Variants in MBNL1 observed in about 807,000 individuals in gnomAD.
MBNL1 encodes the protein muscleblind like splicing regulator 1, also known as muscleblind-like protein 1.
MBNL1 carries 8 observed loss-of-function variants against 42.2 expected under a neutral mutation model. The observed-to-expected ratio is 0.19, with a 90% CI of 0.11 to 0.34. MBNL1 has a LOEUF of 0.34. Ranked by LOEUF, MBNL1 falls within the 10% of genes least tolerant of loss-of-function variation. The pLI, the probability that MBNL1 is intolerant of heterozygous loss-of-function variation, is 1.00. For missense variants in MBNL1, 309 were observed against 495.3 expected, an observed-to-expected ratio of 0.62 and a Z score of 3.57; for synonymous variants, 169 against 173.9, an observed-to-expected ratio of 0.97 and a Z score of 0.22.
chr3:152,331,267 C>T (rs2084338278), intron 2 of MBNL1, among the ~76,000 whole-genome samples: 1 of 152,044 alleles, frequency 6.6e-6, no homozygotes, highest in African/African-American at 2.4e-5. Context: ...TTCCAAACTA[C>T]AGAAAAAAAC....
chr3:152,281,794 C>T (rs867064234), intron 1 of MBNL1, among the ~76,000 whole-genome samples: 75 of 152,100 alleles, frequency 4.9e-4, no homozygotes, highest in African/African-American at 1.7e-3. Flanking sequence ...TAGGGTAATT[C>T]AATTCATTTT....
intron 1 of MBNL1, among the ~76,000 whole-genome samples, chr3:152,282,377 C>T (rs1452095996): frequency 6.6e-6 from 1 of 151,886 alleles, no homozygotes; most frequent in Non-Finnish European, 1.5e-5. Flanking sequence ...TTAAAGATTC[C>T]ATGCTAATAT....
chr3:152,291,736 C>T (rs760564919), intron 1 of MBNL1, among the ~76,000 whole-genome samples: 12 of 152,160 alleles, frequency 7.9e-5, no homozygotes, highest in Non-Finnish European at 1.8e-4. Flanking sequence ...TAATATTACT[C>T]TGCTTTCTTC....
chr3:152,379,569 G>A lies in MBNL1; in HGVS notation c.175-35372G>A, dbSNP rs1332588954. On this transcript the variant is annotated intron_variant, in intron 2 of 9. Coordinates refer to ENST00000324210, the MANE Select transcript of MBNL1 (RefSeq NM_021038.5). Reference sequence around the variant, plus strand: ...CAGATGCGTGTGCATGTCACTACACGTTCTTATAAGCACTGACGTAATACT... The same window carrying A: ...CAGATGCGTGTGCATGTCACTACACATTCTTATAAGCACTGACGTAATACT... 3.9e-5 allele frequency among the ~76,000 whole-genome samples: 6 copies of A among 152,234 alleles called. No individual in the cohort carries two copies. The South Asian group carries it at 6.2e-4, about 16-fold the overall frequency.
rs766916318 is a variant in MBNL1, at chr3:152,459,370, T to C, written c.*18+25T>C. ...AGTAAGTTCATTATGTAATATATAG[T>C]TGCATATTTGTGGTGGTTTTTTTTA... is the stretch of plus-strand genomic sequence containing the variant. On this transcript the variant is annotated intron_variant, in intron 9 of 9. Transcript: ENST00000324210. 3 of 1,351,020 alleles carry C rather than the reference T, an allele frequency of 2.2e-6. No individual in the cohort carries two copies. In the South Asian group the frequency reaches 4.4e-5, roughly 20 times the overall value. The allele number at this position is 1,351,020 out of a possible 1,614,324, so 83.7% of individuals were successfully genotyped here.
intron 1 of MBNL1, among the ~76,000 whole-genome samples, chr3:152,281,109 CTTA>C (rs2048198707): frequency 6.6e-6 from 1 of 152,080 alleles, no homozygotes; most frequent in Non-Finnish European, 1.5e-5. Context: ...TTCGTAGGAA[CTTA>C]TTATTTTACA....
In MBNL1 at chr3:152,268,981, A is replaced by G; in HGVS notation, c.-901A>G. On this transcript the variant is annotated 5_prime_UTR_variant, in exon 1 of 10. Coordinates refer to ENST00000324210, the MANE Select transcript of MBNL1 (RefSeq NM_021038.5). ...GTGGCGCCCACAATGCTCCCATGACAAGGAGCTGACAAGTTCCATTTTCCG... is the reference window on the plus strand; with the variant it reads ...GTGGCGCCCACAATGCTCCCATGACGAGGAGCTGACAAGTTCCATTTTCCG... The G allele has an allele frequency of 2.2e-6, 1 of 456,230 alleles. No homozygotes were observed. The highest frequency in any genetic ancestry group is 1.5e-5 in the South Asian group (1 of 64,570). The allele number at this position is 456,230 out of a possible 1,614,324, so 28.3% of individuals were successfully genotyped here.
Position 152,382,770 on chromosome 3 carries a change from T to C in MBNL1, c.175-32171T>C, listed in dbSNP as rs537266253. ...CTAGCAGGGGCTATCTTTTCCTTGTTTTTCCTCACCTTTTAAATCCAGTTT... is the reference window on the plus strand; with the variant it reads ...CTAGCAGGGGCTATCTTTTCCTTGTCTTTCCTCACCTTTTAAATCCAGTTT... On this transcript the variant is annotated intron_variant, in intron 2 of 9. Transcript: ENST00000324210. 9.7e-4 allele frequency among the ~76,000 whole-genome samples: 148 copies of C among 152,272 alleles called. 1 individual carries two copies. Among genetic ancestry groups the C allele is most frequent in the African/African-American group, 3.3e-3 (137 of 41,586 alleles).
At chr3:152,420,344 G>C (rs914302777) in intron 3 of MBNL1, among the ~76,000 whole-genome samples, 5 of 152,130 alleles carry the variant, frequency 3.3e-5, no homozygotes, top group Non-Finnish European at 7.4e-5. Context: ...AGCAGGGATC[G>C]AAAGACACTT....
At chr3:152,405,318 TC>T (rs1343916816) in intron 2 of MBNL1, among the ~76,000 whole-genome samples, 3 of 152,320 alleles carry the variant, frequency 2.0e-5, no homozygotes, top group Non-Finnish European at 4.4e-5. Flanking sequence ...ACTTGTTTTG[TC>T]GTACTTAAGT....
chr3:152,294,390 TCTC>T (rs2057620832), intron 1 of MBNL1, among the ~76,000 whole-genome samples: 1 of 151,262 alleles, frequency 6.6e-6, no homozygotes, highest in Non-Finnish European at 1.5e-5. Flanking sequence ...TTCACGCCAT[TCTC>T]CTGCCTCACC....
chr3:152,333,360 TA>T (rs1024261421), intron 2 of MBNL1, among the ~76,000 whole-genome samples: 3 of 152,212 alleles, frequency 2.0e-5, no homozygotes, highest in Non-Finnish European at 4.4e-5. Context: ...ACATATAAGA[TA>T]AGTTTGTGTG....
intron 2 of MBNL1, among the ~76,000 whole-genome samples, chr3:152,303,876 A>G (rs1012652838): frequency 4.6e-5 from 7 of 152,226 alleles, no homozygotes; most frequent in Admixed American, 3.9e-4. Context: ...CCAAAAATCT[A>G]GCAAAATTCT....
At chr3:152,400,712 T>G (rs961343868) in intron 2 of MBNL1, among the ~76,000 whole-genome samples, 2 of 152,226 alleles carry the variant, frequency 1.3e-5, no homozygotes, top group African/African-American at 4.8e-5. Flanking sequence ...CAAAGGACAG[T>G]AGCTTTTTAT....
At chr3:152,379,619 TTTTG>T (rs1205942979) in intron 2 of MBNL1, among the ~76,000 whole-genome samples, 1 of 152,212 alleles carries the variant, frequency 6.6e-6, no homozygotes, top group Non-Finnish European at 1.5e-5. Context: ...ATTGATATGT[TTTTG>T]TTTGGCATTA....
At chr3:152,430,757 C>T (rs1382176905) in intron 3 of MBNL1, among the ~76,000 whole-genome samples, 3 of 152,134 alleles carry the variant, frequency 2.0e-5, no homozygotes, top group African/African-American at 7.2e-5. Context: ...ATGCCCTAGG[C>T]CCTAGTTTCT....
chr3:152,347,850 A>G (rs564617950), intron 2 of MBNL1, among the ~76,000 whole-genome samples: 53 of 152,262 alleles, frequency 3.5e-4, no homozygotes, highest in African/African-American at 1.2e-3. Flanking sequence ...AAGCAATATA[A>G]ATGCATGTTT....
At chr3:152,364,858 T>G (rs2096256084) in intron 2 of MBNL1, among the ~76,000 whole-genome samples, 1 of 151,604 alleles carries the variant, frequency 6.6e-6, no homozygotes, top group Admixed American at 6.6e-5. Flanking sequence ...TTGTGACTTG[T>G]CCTGCTTTTT....
chr3:152,371,065 G>A (rs1434872067), intron 2 of MBNL1, among the ~76,000 whole-genome samples: 8 of 152,078 alleles, frequency 5.3e-5, no homozygotes, highest in East Asian at 1.9e-4. Context: ...TATTTTGCCC[G>A]TTAGTTGATG....
Sources: gnomAD v4.1 joint callset for allele counts (sites outside exome capture counted in the v4.1 genomes callset) on GRCh38, gnomAD v4.1.1 for gene constraint, MANE v1.5 for transcripts, NCBI Gene and HGNC (gene_info 2026-07-23, HGNC 2026-07-21) for gene names.